Variants in ATP13A3 observed in about 807,000 individuals in gnomAD.
ATP13A3 encodes the protein ATPase 13A3.
In ATP13A3, 59 loss-of-function variants were observed where a neutral mutation model predicts 158.1. The ratio of observed to expected loss-of-function variants is 0.37; its 90% CI spans 0.30 to 0.46. The LOEUF is 0.46. Ranked by LOEUF, ATP13A3 falls within the 20% of genes least tolerant of loss-of-function variation. The pLI, the probability that ATP13A3 is intolerant of heterozygous loss-of-function variation, is 1.00. For synonymous variants in ATP13A3, 491 were observed against 504.3 expected (o/e 0.97, Z 0.35); for missense variants, 1,166 against 1,525.2 (o/e 0.76, Z 3.92).
At position 194,448,885 on chromosome 3, in the gene ATP13A3, G is replaced by GT. The variant is rs1718592572; in HGVS notation, c.971-250dup. ...CCAGAAAGTGATTTGTGGCTCAAAG[G>GT]TAATATTTGTTTATATTTAGAAACA... is the stretch of plus-strand genomic sequence containing the variant. On this transcript the variant is annotated intron_variant, in intron 11 of 33. Coordinates refer to ENST00000645319, the MANE Select transcript of ATP13A3 (RefSeq NM_001367549.1). The surrounding 1 kb of genome is among the most constrained non-coding windows in gnomAD (Gnocchi z 4.0). Among the ~76,000 whole-genome samples the GT allele has an allele frequency of 6.6e-6, 1 of 152,050 alleles. No homozygotes were observed. The highest frequency in any genetic ancestry group is 2.4e-5 in the African/African-American group (1 of 41,346).
chr3:194,412,524 T>C (rs921721465), intron 32 of ATP13A3: 15 of 489,690 alleles, frequency 3.1e-5, no homozygotes, highest in Non-Finnish European at 5.2e-5. Context: ...CCATGAAATA[T>C]GGCTTTTGTA....
intron 9 of ATP13A3, 30 bp from the exon 10 acceptor site, chr3:194,453,808 G>A (rs772933581): frequency 6.4e-7 from 1 of 1,574,436 alleles, no homozygotes; most frequent in Admixed American, 1.7e-5. Flanking sequence ...TTAGAAACTA[G>A]CCAATATGAA....
At chr3:194,471,353 GAAAAGA>G (rs1457990860) in intron 2 of ATP13A3, among the ~76,000 whole-genome samples, 1 of 124,714 alleles carries the variant, frequency 8.0e-6, no homozygotes, top group Non-Finnish European at 1.8e-5. Flanking sequence ...AAAAAGAAAA[GAAAAGA>G]AAAAGAAAAT....
chr3:194,461,758 A>T (rs1719677612), intron 3 of ATP13A3, among the ~76,000 whole-genome samples: 1 of 152,212 alleles, frequency 6.6e-6, no homozygotes, highest in African/African-American at 2.4e-5. Context: ...CCCCCAACAA[A>T]AAGTAGAGAA....
Position 194,430,100 on chromosome 3 carries a change from T to TAGGAGTCTTAGAGGTAA in ATP13A3, c.2732_2748dup (p.Ser917LeufsTer22). 6.2e-7 allele frequency: 1 copy of TAGGAGTCTTAGAGGTAA among 1,614,116 alleles called. No homozygotes were observed. The highest frequency in any genetic ancestry group is 1.3e-5 in the African/African-American group (1 of 75,042). On this transcript the variant is annotated frameshift_variant, in exon 26 of 34. Transcript: ENST00000645319. LOFTEE classifies it high-confidence loss of function. Reference sequence around the variant, plus strand: ...ATAAGGTTTGGCACACAGGAAATACTAGGAGTCTTAGAGGTAAAGGGAGAT... The same window carrying TAGGAGTCTTAGAGGTAA: ...ATAAGGTTTGGCACACAGGAAATACTAGGAGTCTTAGAGGTAAAGGAGTCTTAGAGGTAAAGGGAGAT...
intron 1 of ATP13A3, among the ~76,000 whole-genome samples, 187 bp downstream of exon 1, chr3:194,486,379 T>G (rs916881483): frequency 6.9e-6 from 1 of 145,706 alleles, no homozygotes; most frequent in African/African-American, 2.6e-5. Flanking sequence ...CCCCCAGGCC[T>G]TCGCACCCAC....
chr3:194,458,630 C>T (rs368551290), intron 6 of ATP13A3, among the ~76,000 whole-genome samples: 3 of 152,090 alleles, frequency 2.0e-5, no homozygotes, highest in Non-Finnish European at 2.9e-5. Context: ...TCAGGTGATC[C>T]GCCCGCCTTG....
chr3:194,427,173 G>A lies in ATP13A3; in HGVS notation c.3027C>T (p.Ser1009=), dbSNP rs767382981. Reference sequence around the variant, plus strand: ...TGCAGATGATAATCTGAGACAAAACGGAGAAGAGAAGGGCCCCAGATATAA... The same window carrying A: ...TGCAGATGATAATCTGAGACAAAACAGAGAAGAGAAGGGCCCCAGATATAA... ...SGLISGALLF[S]VLSQIIICIG... The change falls in exon 29 of 34, where the codon TCC becomes TCT. Residue 1009 remains serine (S), a synonymous_variant. Coordinates refer to ENST00000645319, the MANE Select transcript of ATP13A3 (RefSeq NM_001367549.1). 2.2e-5 allele frequency: 36 copies of A among 1,613,522 alleles called. No individual in the cohort carries two copies. Among genetic ancestry groups the A allele is most frequent in the South Asian group, 1.2e-4 (11 of 90,936 alleles).
chr3:194,456,565 T>C (rs760110769), intron 7 of ATP13A3, among the ~76,000 whole-genome samples: 1 of 152,126 alleles, frequency 6.6e-6, no homozygotes, highest in Non-Finnish European at 1.5e-5. Flanking sequence ...TCTTATTGAA[T>C]TTCAAAGTGG....
intron 2 of ATP13A3, chr3:194,468,386 T>TAAAAAA (rs35011462): frequency 2.7e-4 from 30 of 111,876 alleles, no homozygotes; most frequent in African/African-American, 1.1e-3. Flanking sequence ...TGTGTGAGTT[T>TAAAAAA]AAAAAAAAAA....
At chr3:194,441,566 C>A (rs1332349158) in intron 15 of ATP13A3, 105 bp from the exon 16 acceptor site, 2 of 1,026,254 alleles carry the variant, frequency 1.9e-6, no homozygotes, top group African/African-American at 3.3e-5. Context: ...TCTTTTAAAT[C>A]CCAATCTGAG....
intron 20 of ATP13A3, among the ~76,000 whole-genome samples, chr3:194,434,216 A>G (rs1290187504): frequency 6.6e-6 from 1 of 152,208 alleles, no homozygotes; most frequent in East Asian, 1.9e-4. Flanking sequence ...ATCCTAATTT[A>G]AATGTTAAGT....
At chr3:194,432,512 A>G (rs1036298918) in intron 21 of ATP13A3, among the ~76,000 whole-genome samples, 6 of 152,150 alleles carry the variant, frequency 3.9e-5, no homozygotes, top group African/African-American at 1.2e-4. Context: ...ATTTCCACAC[A>G]CTATTTCCAA....
chr3:194,478,281 T>C (rs1233581821), intron 2 of ATP13A3, among the ~76,000 whole-genome samples: 1 of 151,774 alleles, frequency 6.6e-6, no homozygotes, highest in East Asian at 1.9e-4. Flanking sequence ...GAACCACATC[T>C]AGTAGGCTAG....
intron 31 of ATP13A3, among the ~76,000 whole-genome samples, chr3:194,416,641 C>T (rs569140542): frequency 1.3e-5 from 2 of 152,204 alleles, no homozygotes. Context: ...ATCACTATCA[C>T]TATAACTAAT....
At chr3:194,472,751 C>T (rs576373873) in intron 2 of ATP13A3, among the ~76,000 whole-genome samples, 3 of 152,266 alleles carry the variant, frequency 2.0e-5, no homozygotes, top group African/African-American at 7.2e-5. Flanking sequence ...TCAACCTAGG[C>T]ATCCACCAAC....
chr3:194,437,611 T>G, intron 17 of ATP13A3, 38 bp from the exon 18 acceptor site: 1 of 1,552,958 alleles, frequency 6.4e-7, no homozygotes, highest in Non-Finnish European at 8.8e-7. Context: ...TAGTACAGAT[T>G]AACTCTATTA....
chr3:194,460,420 G>T (rs1376539696), intron 4 of ATP13A3, among the ~76,000 whole-genome samples: 1 of 152,088 alleles, frequency 6.6e-6, no homozygotes, highest in African/African-American at 2.4e-5. Context: ...TAATCTCTCA[G>T]GGCAACAAGA....
chr3:194,478,821 C>A (rs1342571979), intron 2 of ATP13A3, among the ~76,000 whole-genome samples: 1 of 152,148 alleles, frequency 6.6e-6, no homozygotes, highest in Admixed American at 6.5e-5. Flanking sequence ...ACCTGCTGGA[C>A]TGTGTATGTG....
Sources: gnomAD v4.1 joint callset for allele counts (sites outside exome capture counted in the v4.1 genomes callset) on GRCh38, gnomAD v4.1.1 for gene constraint, Gnocchi (gnomAD v3.1) non-coding constraint, MANE v1.5 for transcripts, NCBI Gene and HGNC (gene_info 2026-07-23, HGNC 2026-07-21) for gene names.